USP34: variants seen among roughly 807,000 people sequenced by gnomAD.
The protein encoded by USP34 is ubiquitin carboxyl-terminal hydrolase 34.
USP34 carries 70 observed loss-of-function variants against 460.3 expected under a neutral mutation model. That is an observed-to-expected ratio of 0.15 (90% CI 0.13 to 0.19). USP34 has a LOEUF of 0.19. Ranked by LOEUF, USP34 falls within the 10% of genes least tolerant of loss-of-function variation. The pLI is 1.00. For missense variants in USP34, 3,985 were observed against 4,236.2 expected (o/e 0.94, Z 1.65); for synonymous variants, 1,647 against 1,405.3 (o/e 1.17, Z -3.85).
intron 41 of USP34, among the ~76,000 whole-genome samples, chr2:61,275,274 G>A (rs541923208): frequency 1.8e-4 from 28 of 151,962 alleles, no homozygotes; most frequent in Non-Finnish European, 3.1e-4. Context: ...GCCAGACCCC[G>A]TCTCAAAGAT....
rs753043039 is a variant in USP34 at position 61,206,096 on chromosome 2, C to T, written c.9075G>A (p.Gln3025=). ...GTTTATGGGCAAATTCAATTCGCTC[C>T]TGCCACTGGATTAATGCTTGTTTCA... ...KDVKQALIQW[Q]ERIEFAHKLL... Residue 3025 remains glutamine (Q), a synonymous_variant, in exon 72 of 80, where the codon CAG becomes CAA. Coordinates refer to ENST00000398571, the MANE Select transcript of USP34 (RefSeq NM_014709.4). The T allele has an allele frequency of 2.5e-6, 4 of 1,613,736 alleles. No individual in the cohort carries two copies. The South Asian group carries it at 4.4e-5, about 18-fold the overall frequency.
rs557011035 is a variant in USP34, at chr2:61,196,196, C to A, written c.9509-3216G>T. On this transcript the variant is annotated intron_variant, in intron 75 of 79. Coordinates refer to ENST00000398571, the MANE Select transcript of USP34 (RefSeq NM_014709.4). ...CCCGGGTTCATGCCATTCTCCTGCC[C>A]CAGCATCCCAAGTAGCTGGGACTAC... Among the ~76,000 whole-genome samples, 36 of 150,652 alleles carry A rather than the reference C, an allele frequency of 2.4e-4. 1 individual carries two copies. The East Asian group carries it at 7.1e-3, about 30-fold the overall frequency.
At chr2:61,253,522 C>T (rs1688642146) in intron 48 of USP34, among the ~76,000 whole-genome samples, 1 of 152,156 alleles carries the variant, frequency 6.6e-6, no homozygotes, top group South Asian at 2.1e-4. Flanking sequence ...TAACAACTTG[C>T]CCAACTACCC....
intron 1 of USP34, among the ~76,000 whole-genome samples, chr2:61,439,784 A>C (rs1415640495): frequency 6.6e-6 from 1 of 152,062 alleles, no homozygotes; most frequent in Non-Finnish European, 1.5e-5. Flanking sequence ...GGGCCTGGAG[A>C]CCTGCTCAGC....
chr2:61,253,868 G>A (rs776121764), intron 48 of USP34, among the ~76,000 whole-genome samples: 2 of 151,966 alleles, frequency 1.3e-5, no homozygotes, highest in African/African-American at 2.4e-5. Context: ...CCAAGTAGCT[G>A]GGACTACAGG....
intron 1 of USP34, among the ~76,000 whole-genome samples, chr2:61,469,541 AC>A (rs1199173285): frequency 6.6e-6 from 1 of 152,174 alleles, no homozygotes; most frequent in Non-Finnish European, 1.5e-5. Context: ...TTAAGTTAGA[AC>A]CCTTCCACTT....
intron 1 of USP34, among the ~76,000 whole-genome samples, chr2:61,443,313 GA>G (rs1344871566): frequency 3.9e-5 from 6 of 152,088 alleles, no homozygotes; most frequent in African/African-American, 1.2e-4. Context: ...GCAAAAAAGG[GA>G]TAAATGTTTG....
chr2:61,229,070 A>T (rs935293746), intron 59 of USP34, 75 bp from the exon 60 acceptor site: 2 of 1,185,310 alleles, frequency 1.7e-6, no homozygotes, highest in Non-Finnish European at 2.2e-6. Context: ...AGTACTTTTT[A>T]AACTCTGAAT....
In USP34 at chr2:61,378,476, C is replaced by T. The variant is rs1438423082; in HGVS notation, c.1015-52G>A. The T allele has an allele frequency of 1.6e-5, 20 of 1,228,246 alleles. No individual in the cohort carries two copies. The Middle Eastern group carries it at 3.3e-3, about 203-fold the overall frequency. 76.1% of individuals were successfully genotyped at this position (1,228,246 alleles called of 1,614,324 possible). On this transcript the variant is annotated intron_variant, in intron 7 of 79. Transcript: ENST00000398571. The stretch of plus-strand genomic sequence containing the variant: ...GTTTTTATTTCCAAAATTATTCTTG[C>T]ATTTGTCAGCAAATACTAACATGGT...
intron 1 of USP34, among the ~76,000 whole-genome samples, chr2:61,447,111 C>T (rs1159598234): frequency 3.3e-5 from 5 of 151,842 alleles, no homozygotes; most frequent in Non-Finnish European, 5.9e-5. Flanking sequence ...AAAAATTAGC[C>T]TGGCATCGTG....
chr2:61,434,960 G>C (rs1186698), intron 1 of USP34, among the ~76,000 whole-genome samples: 3 of 151,922 alleles, frequency 2.0e-5, no homozygotes, highest in Admixed American at 1.3e-4. Flanking sequence ...AGGGAATACA[G>C]GTAAGAACTT....
intron 20 of USP34, among the ~76,000 whole-genome samples, chr2:61,327,372 C>CA (rs1691128200): frequency 1.3e-5 from 2 of 152,182 alleles, no homozygotes; most frequent in Admixed American, 1.3e-4. Flanking sequence ...AAGCAACTCT[C>CA]AGACTATAAG....
At chr2:61,244,351 C>G (rs1441416785) in intron 51 of USP34, among the ~76,000 whole-genome samples, 1 of 152,122 alleles carries the variant, frequency 6.6e-6, no homozygotes, top group African/African-American at 2.4e-5. Context: ...TGCCATGGCT[C>G]ACGTCTGTGA....
Position 61,384,404 on chromosome 2 carries a change from T to C in USP34, c.754-1068A>G, listed in dbSNP as rs568927861. Among the ~76,000 whole-genome samples, 436 of 152,276 alleles carry C rather than the reference T, an allele frequency of 2.9e-3. 2 individuals carry two copies. The highest frequency in any genetic ancestry group is 2.0e-3 in the Non-Finnish European group (133 of 68,016). On this transcript the variant is annotated intron_variant, in intron 5 of 79. Coordinates refer to ENST00000398571, the MANE Select transcript of USP34 (RefSeq NM_014709.4). Reference sequence around the variant, plus strand: ...AAAAAATCTGGACAGGCGCGGTGGCTCATGCCTATAATCCCAGCACTCTGG... The same window carrying C: ...AAAAAATCTGGACAGGCGCGGTGGCCCATGCCTATAATCCCAGCACTCTGG...
intron 29 of USP34, among the ~76,000 whole-genome samples, chr2:61,297,548 C>T (rs1690065411): frequency 6.6e-6 from 1 of 152,100 alleles, no homozygotes; most frequent in East Asian, 1.9e-4. Flanking sequence ...AAAGTACCAC[C>T]CTGAGAGGTA....
intron 2 of USP34, among the ~76,000 whole-genome samples, chr2:61,416,507 G>A (rs1405843867): frequency 2.0e-5 from 3 of 152,106 alleles, no homozygotes; most frequent in South Asian, 4.2e-4. Flanking sequence ...TAAGGAACGT[G>A]GAATTTCCAA....
At chr2:61,285,101 C>T (rs1689648425) in intron 34 of USP34, 144 bp from the exon 35 acceptor site, 2 of 593,252 alleles carry the variant, frequency 3.4e-6, no homozygotes, top group Non-Finnish European at 5.9e-6. Context: ...TTATCTATAA[C>T]ACAATAAAGA....
Position 61,348,276 on chromosome 2 carries a change from C to T in USP34, c.1879G>A (p.Asp627Asn), listed in dbSNP as rs566233715. Residue 627 changes from aspartate to asparagine, a missense_variant, in exon 15 of 80, where the codon GAT (aspartate) becomes AAT (asparagine). By Grantham distance (23) the Asp-to-Asn change is conservative. Around this residue, in one of 14 missense-constraint regions of USP34, gnomAD observed 716 missense variants for 626.2 expected, o/e 1.14. Coordinates refer to ENST00000398571, the MANE Select transcript of USP34 (RefSeq NM_014709.4). ...TTGGGAGGATTATGACCATGATCAT[C>T]GTCTTCATCTTCCTCTTTGAGGGCT... ...IEALKEEDED[D>N]DHGHNPPKSS... 1.2e-5 allele frequency: 19 copies of T among 1,614,128 alleles called. No individual in the cohort carries two copies. The highest frequency in any genetic ancestry group is 6.6e-5 in the South Asian group (6 of 91,084).
At chr2:61,226,899 T>C in intron 62 of USP34, 168 bp downstream of exon 62, 1 of 803,256 alleles carries the variant, frequency 1.2e-6, no homozygotes, top group Non-Finnish European at 1.8e-6. Context: ...CAAGAGTTGA[T>C]GAATAGTAGT....
Sources: gnomAD v4.1 joint callset for allele counts (sites outside exome capture counted in the v4.1 genomes callset) on GRCh38, gnomAD v4.1.1 for gene constraint, gnomAD v4.1.1 regional missense constraint, MANE v1.5 for transcripts, NCBI Gene and HGNC (gene_info 2026-07-23, HGNC 2026-07-21) for gene names.